Variants in RPS6KC1 observed in about 807,000 individuals in gnomAD.
RPS6KC1 encodes the protein inactive ribosomal protein S6 kinase delta-1.
RPS6KC1 carries 54 observed loss-of-function variants against 103.8 expected under a neutral mutation model. The observed-to-expected ratio is 0.52, with a 90% confidence interval of 0.42 to 0.65. The LOEUF is 0.65. RPS6KC1 is among the 30% of genes least tolerant of loss of function. The pLI, the probability that RPS6KC1 is intolerant of heterozygous loss-of-function variation, is 0.00. For synonymous variants in RPS6KC1, 439 were observed against 438.7 expected, an observed-to-expected ratio of 1.00 and a Z score of -0.01; for missense variants, 1,151 against 1,253.8, an observed-to-expected ratio of 0.92 and a Z score of 1.24.
chr1:213,470,336 CA>C, the RPS6KC1 span, among the ~76,000 whole-genome samples: 2 of 152,128 alleles, frequency 1.3e-5, no homozygotes, highest in African/African-American at 2.4e-5. Context: ...TTTCTGCATG[CA>C]AAATTATGGA....
At chr1:213,571,514 A>G in the RPS6KC1 span, among the ~76,000 whole-genome samples, 21 of 152,296 alleles carry the variant, frequency 1.4e-4, no homozygotes, top group Non-Finnish European at 1.8e-4. Flanking sequence ...ATAGAAGGAA[A>G]GAAGGGGCCT....
intron 6 of RPS6KC1, among the ~76,000 whole-genome samples, chr1:213,143,694 T>C (rs1174978425): frequency 6.6e-6 from 1 of 152,080 alleles, no homozygotes; most frequent in East Asian, 1.9e-4. Context: ...TTTTATTAGT[T>C]TTCTATTGGT....
At chr1:213,496,307 A>G in the RPS6KC1 span, among the ~76,000 whole-genome samples, 1 of 152,222 alleles carries the variant, frequency 6.6e-6, no homozygotes, top group Non-Finnish European at 1.5e-5. Context: ...TTAAAACAAA[A>G]TGTGCTTTGC....
At chr1:213,657,465 A>AT in the RPS6KC1 span, among the ~76,000 whole-genome samples, 4 of 152,182 alleles carry the variant, frequency 2.6e-5, no homozygotes, top group Admixed American at 6.5e-5. Context: ...TTAAAAAAAT[A>AT]TTTTTTTGCC....
the RPS6KC1 span, among the ~76,000 whole-genome samples, chr1:213,499,772 A>G: frequency 3.3e-5 from 5 of 152,228 alleles, no homozygotes; most frequent in Admixed American, 2.0e-4. Flanking sequence ...TTGCTCCTAG[A>G]CTACAAACCT....
At chr1:213,761,561 T>A in the RPS6KC1 span, among the ~76,000 whole-genome samples, 1 of 152,222 alleles carries the variant, frequency 6.6e-6, no homozygotes, top group East Asian at 1.9e-4. Context: ...AGGCTTACAG[T>A]GATGACTGCA....
chr1:213,601,588 T>C, the RPS6KC1 span, among the ~76,000 whole-genome samples: 2 of 151,926 alleles, frequency 1.3e-5, no homozygotes, highest in Non-Finnish European at 1.5e-5. Context: ...GGATGGAGGC[T>C]GTGGGTCTGT....
the RPS6KC1 span, among the ~76,000 whole-genome samples, chr1:213,455,436 TG>T: frequency 2.0e-5 from 3 of 152,138 alleles, no homozygotes; most frequent in African/African-American, 7.2e-5. Context: ...TAGACCAAAG[TG>T]GGAAACAAAA....
At chr1:213,501,742 A>G in the RPS6KC1 span, among the ~76,000 whole-genome samples, 3 of 152,220 alleles carry the variant, frequency 2.0e-5, no homozygotes, top group South Asian at 6.2e-4. Flanking sequence ...CAAAAAAAAA[A>G]AAAAGAAAAA....
the RPS6KC1 span, among the ~76,000 whole-genome samples, chr1:213,727,136 G>A: frequency 6.6e-6 from 1 of 152,142 alleles, no homozygotes; most frequent in African/African-American, 2.4e-5. Flanking sequence ...TAACTGCAAG[G>A]GGGCTGAGAA....
the RPS6KC1 span, among the ~76,000 whole-genome samples, chr1:213,484,592 A>G: frequency 6.6e-6 from 1 of 152,214 alleles, no homozygotes; most frequent in Admixed American, 6.5e-5. Context: ...CAGATACGTT[A>G]TACTCTATTC....
chr1:213,394,137 G>C, the RPS6KC1 span, among the ~76,000 whole-genome samples: 16 of 152,060 alleles, frequency 1.1e-4, no homozygotes, highest in African/African-American at 3.6e-4. Context: ...CCGAAGTTCT[G>C]TCCTGGAAGG....
At chr1:213,508,987 C>T in the RPS6KC1 span, among the ~76,000 whole-genome samples, 300 of 152,254 alleles carry the variant, frequency 2.0e-3, 1 homozygote, top group African/African-American at 6.8e-3. Context: ...TGTGCCTCAT[C>T]CTTGGAGGTG....
the RPS6KC1 span, among the ~76,000 whole-genome samples, chr1:213,757,453 A>G: frequency 6.6e-6 from 1 of 152,246 alleles, no homozygotes; most frequent in African/African-American, 2.4e-5. Flanking sequence ...GCCAAAGCCT[A>G]ATCCAGAGCA....
intron 3 of RPS6KC1, among the ~76,000 whole-genome samples, chr1:213,081,188 G>A (rs1339559514): frequency 1.3e-5 from 2 of 152,100 alleles, no homozygotes; most frequent in Admixed American, 6.5e-5. Flanking sequence ...AGGAATACCC[G>A]GGGCTGGGTA....
the RPS6KC1 span, among the ~76,000 whole-genome samples, chr1:213,635,521 A>G: frequency 1.3e-5 from 2 of 152,320 alleles, no homozygotes; most frequent in Admixed American, 6.5e-5. Context: ...CAAAAAACAT[A>G]TGATTATCTC....
the RPS6KC1 span, among the ~76,000 whole-genome samples, chr1:213,419,561 T>C: frequency 6.6e-5 from 10 of 152,174 alleles, no homozygotes; most frequent in Admixed American, 1.3e-4. Flanking sequence ...CAAACCTAGA[T>C]CTACAGACTC....
At chr1:213,621,835 G>C in the RPS6KC1 span, among the ~76,000 whole-genome samples, 4 of 152,100 alleles carry the variant, frequency 2.6e-5, no homozygotes, top group Admixed American at 6.5e-5. Context: ...CCCTGAAGTC[G>C]GTGCTGGTTA....
chr1:213,798,697 C>T, the RPS6KC1 span, among the ~76,000 whole-genome samples: 1 of 152,114 alleles, frequency 6.6e-6, no homozygotes, highest in Non-Finnish European at 1.5e-5. Flanking sequence ...ACTCAAATAT[C>T]CTATACAGGT....
Sources: allele counts gnomAD v4.1 joint callset (sites outside exome capture counted in the v4.1 genomes callset), GRCh38; gene constraint gnomAD v4.1.1; transcripts MANE v1.5; gene names NCBI Gene and HGNC (gene_info 2026-07-23, HGNC 2026-07-21).